Variants in TRAPPC8 observed in about 807,000 individuals in gnomAD.
The protein encoded by TRAPPC8 is general sporulation gene 1 homolog.
In TRAPPC8, 54 loss-of-function variants were observed where a neutral mutation model predicts 174.3. The observed-to-expected ratio is 0.31, with a 90% CI of 0.25 to 0.39. TRAPPC8 has a LOEUF of 0.39. TRAPPC8 is among the 10% of genes least tolerant of loss of function. The pLI is 1.00. For missense variants in TRAPPC8, 1,531 were observed against 1,699.1 expected (o/e 0.90, Z 1.74); for synonymous variants, 630 against 579.9 (o/e 1.09, Z -1.24).
At chr18:31,894,812 A>C (rs1245264439) in intron 11 of TRAPPC8, among the ~76,000 whole-genome samples, 1 of 152,224 alleles carries the variant, frequency 6.6e-6, no homozygotes, top group East Asian at 1.9e-4. Context: ...TCCTAAGCTG[A>C]AGAAACTTAC....
At chr18:31,931,240 A>G in intron 2 of TRAPPC8, 89 bp downstream of exon 2, 1 of 1,238,008 alleles carries the variant, frequency 8.1e-7, no homozygotes. Flanking sequence ...ACTCTTAAAT[A>G]CATGTTGATC....
At chr18:31,889,466 A>G (rs2035863828) in intron 12 of TRAPPC8, among the ~76,000 whole-genome samples, 1 of 152,210 alleles carries the variant, frequency 6.6e-6, no homozygotes, top group African/African-American at 2.4e-5. Flanking sequence ...AATGGGACAT[A>G]TATTTTCTTT....
chr18:31,916,412 A>G lies in TRAPPC8; in HGVS notation c.477T>C (p.Pro159=). Reference sequence around the variant, plus strand: ...GTGACAACTTTGAAAACTGTTCCACAGGTTCAGCTTCACTAGATGACGCTA... The same window carrying G: ...GTGACAACTTTGAAAACTGTTCCACGGGTTCAGCTTCACTAGATGACGCTA... ...MLVASSSEAE[P]VEQFSKLSQE... The change falls in exon 4 of 29, where the codon CCT becomes CCC. Residue 159 remains proline (P), a synonymous_variant. Transcript: ENST00000283351. The G allele has an allele frequency of 3.7e-6, 6 of 1,612,902 alleles. No homozygotes were observed. The Admixed American group carries it at 8.4e-5, about 23-fold the overall frequency.
chr18:31,880,121 ATTTTT>A (rs56728828), intron 12 of TRAPPC8, among the ~76,000 whole-genome samples: 25 of 69,054 alleles, frequency 3.6e-4, no homozygotes, highest in African/African-American at 7.1e-4. Flanking sequence ...ATATATATAT[ATTTTT>A]TTTTTTTTAA....
chr18:31,885,660 A>G (rs1426790780), intron 12 of TRAPPC8, among the ~76,000 whole-genome samples: 1 of 151,946 alleles, frequency 6.6e-6, no homozygotes, highest in African/African-American at 2.4e-5. Context: ...GGAGTTCGAG[A>G]CCAACCTGAC....
At chr18:31,935,206 T>C (rs1446711282) in intron 1 of TRAPPC8, among the ~76,000 whole-genome samples, 2 of 151,448 alleles carry the variant, frequency 1.3e-5, no homozygotes, top group Non-Finnish European at 2.9e-5. Flanking sequence ...TAGCCAGGCG[T>C]GGTGGCGCAT....
At position 31,917,146 on chromosome 18, in the gene TRAPPC8, G is replaced by A. The variant is rs562391960; in HGVS notation, c.442+432C>T. Among the ~76,000 whole-genome samples, 6 of 151,208 alleles carry A rather than the reference G, an allele frequency of 4.0e-5. No homozygotes were observed. In the South Asian group the frequency reaches 1.2e-3, roughly 31 times the overall value. ...TCAGTAACCGCATTAAGAAAACTAAGCCACAATCATAAAAAAATACCCATT... is the reference window on the plus strand; with the variant it reads ...TCAGTAACCGCATTAAGAAAACTAAACCACAATCATAAAAAAATACCCATT... On this transcript the variant is annotated intron_variant, in intron 3 of 28. Transcript: ENST00000283351.
At chr18:31,852,245 G>A (rs1191892415) in intron 24 of TRAPPC8, among the ~76,000 whole-genome samples, 2 of 152,122 alleles carry the variant, frequency 1.3e-5, no homozygotes, top group Non-Finnish European at 2.9e-5. Flanking sequence ...GGAGGCTGAG[G>A]GGGGAGGATC....
rs1406836653 is a variant in TRAPPC8 at position 31,829,768 on chromosome 18, C to T, written c.*987G>A. On this transcript the variant is annotated 3_prime_UTR_variant, in exon 29 of 29. Transcript: ENST00000283351. ...GTACTCCCTGCCACCCACTCCTACA[C>T]CCTGTCTTCCCTCCTTCTCCAATGA... 6.6e-6 allele frequency: 1 copy of T among 152,296 alleles called. No individual in the cohort carries two copies. The highest frequency in any genetic ancestry group is 6.5e-5 in the Admixed American group (1 of 15,270). The allele number at this position is 152,296 out of a possible 1,614,324, so 9.4% of individuals were successfully genotyped here. A position where few individuals can be genotyped will look rare whatever the true frequency, so the allele number is the denominator to read the frequency against.
At chr18:31,890,237 C>T (rs946692444) in intron 12 of TRAPPC8, among the ~76,000 whole-genome samples, 3 of 152,188 alleles carry the variant, frequency 2.0e-5, no homozygotes, top group African/African-American at 7.2e-5. Flanking sequence ...GGATAAATCT[C>T]TCTACATCAG....
At position 31,915,477 on chromosome 18, in the gene TRAPPC8, G is replaced by A. The variant is rs1254913639; in HGVS notation, c.617+795C>T. The stretch of plus-strand genomic sequence containing the variant: ...AACCCCATCAAAAAAAAAGGGGGGG[G>A]GGGCGCAGGCGCAGTGGCTCCCGCC... On this transcript the variant is annotated intron_variant, in intron 4 of 28. Coordinates refer to ENST00000283351, the MANE Select transcript of TRAPPC8 (RefSeq NM_014939.5). Among the ~76,000 whole-genome samples, 7 of 131,232 alleles carry A rather than the reference G, an allele frequency of 5.3e-5. 1 individual carries two copies. The highest frequency in any genetic ancestry group is 8.3e-5 in the Non-Finnish European group (5 of 60,554). 86.1% of individuals were successfully genotyped at this position (131,232 alleles called of 152,430 possible).
At chr18:31,921,010 T>C (rs894410085) in intron 2 of TRAPPC8, among the ~76,000 whole-genome samples, 5 of 151,130 alleles carry the variant, frequency 3.3e-5, no homozygotes, top group Non-Finnish European at 7.4e-5. Context: ...CCCAGCATTC[T>C]CTTGAGGTGT....
chr18:31,916,525 TTTTGTTTG>T (rs148943323), intron 3 of TRAPPC8, 79 bp from the exon 4 acceptor site: 13 of 1,355,306 alleles, frequency 9.6e-6, no homozygotes, highest in African/African-American at 3.0e-5. Context: ...AACAGGAGGT[TTTTGTTTG>T]TTTGTTTGTT....
At chr18:31,904,357 C>A (rs1044958786) in intron 9 of TRAPPC8, among the ~76,000 whole-genome samples, 1 of 152,148 alleles carries the variant, frequency 6.6e-6, no homozygotes, top group Non-Finnish European at 1.5e-5. Flanking sequence ...CGAGACCAGC[C>A]TGACCAACAT....
At chr18:31,935,548 T>TGGAAAA in intron 1 of TRAPPC8, among the ~76,000 whole-genome samples, 1 of 46,286 alleles carries the variant, frequency 2.2e-5, no homozygotes, top group Non-Finnish European at 3.5e-5. Context: ...AACTCCATCT[T>TGGAAAA]AAAAAAAAAA....
intron 16 of TRAPPC8, among the ~76,000 whole-genome samples, chr18:31,868,187 G>C (rs974771901): frequency 6.6e-6 from 1 of 152,032 alleles, no homozygotes; most frequent in African/African-American, 2.4e-5. Context: ...GAGCTAATTG[G>C]CTCATACTGG....
intron 9 of TRAPPC8, among the ~76,000 whole-genome samples, chr18:31,902,820 C>T (rs1166083207): frequency 6.6e-6 from 1 of 151,974 alleles, no homozygotes; most frequent in African/African-American, 2.4e-5. Context: ...GAGGCCGAGG[C>T]GGGCGGATCA....
At chr18:31,870,558 A>G in intron 15 of TRAPPC8, 56 bp from the exon 16 acceptor site, 1 of 1,543,278 alleles carries the variant, frequency 6.5e-7, no homozygotes, top group Non-Finnish European at 8.8e-7. Context: ...CCTCATTCTC[A>G]GCTTCGATCT....
At chr18:31,931,231 C>T (rs182675303) in intron 2 of TRAPPC8, 98 bp downstream of exon 2, 4 of 1,176,190 alleles carry the variant, frequency 3.4e-6, no homozygotes, top group African/African-American at 3.1e-5. Context: ...ACTTAGTAAA[C>T]TCTTAAATAC....
Sources: gnomAD v4.1 joint callset for allele counts (sites outside exome capture counted in the v4.1 genomes callset) on GRCh38, gnomAD v4.1.1 for gene constraint, MANE v1.5 for transcripts, NCBI Gene and HGNC (gene_info 2026-07-23, HGNC 2026-07-21) for gene names.